LARGE2: variants seen among roughly 807,000 people sequenced by gnomAD.
LARGE2 encodes the protein xylosyl- and glucuronyltransferase LARGE2.
LARGE2 carries 63 observed loss-of-function variants against 75.3 expected under a neutral mutation model. The ratio of observed to expected loss-of-function variants is 0.84; its 90% CI spans 0.68 to 1.03. The LOEUF (loss-of-function observed/expected upper bound fraction) is 1.03, where lower values mean the gene tolerates loss of function less well. LARGE2 is among the 50% of genes least tolerant of loss of function. The pLI is 0.00. For missense variants in LARGE2, 925 were observed against 980.6 expected (o/e 0.94, Z 0.76); for synonymous variants, 428 against 420.1 (o/e 1.02, Z -0.23).
At chr11:45,927,219 G>A in intron 10 of LARGE2, 96 bp from the exon 11 acceptor site, 9 of 1,365,908 alleles carry the variant, frequency 6.6e-6, no homozygotes, top group Non-Finnish European at 9.0e-6. Context: ...GTCACTTGAG[G>A]AGGTGGCAGC....
rs2086958673 is a variant in LARGE2 at position 45,922,659 on chromosome 11, T to C, written c.-132T>C. Reference sequence around the variant, plus strand: ...GTCGGGGGCGGGACCGGCCCGCGCCTCTCCCCTGGTTCCCGCACCCTGGCC... The same window carrying C: ...GTCGGGGGCGGGACCGGCCCGCGCCCCTCCCCTGGTTCCCGCACCCTGGCC... On this transcript the variant is annotated 5_prime_UTR_variant, in exon 1 of 14. Coordinates refer to ENST00000401752, the MANE Select transcript of LARGE2 (RefSeq NM_001300721.2). The C allele has an allele frequency of 2.9e-6, 1 of 344,804 alleles. No individual in the cohort carries two copies. Among genetic ancestry groups the C allele is most frequent in the Admixed American group, 4.8e-5 (1 of 20,686 alleles). 21.4% of individuals were successfully genotyped at this position (344,804 alleles called of 1,614,324 possible). A position where few individuals can be genotyped will look rare whatever the true frequency, so the allele number is the denominator to read the frequency against.
Position 45,922,916 on chromosome 11 carries a change from G to A in LARGE2, c.34G>A (p.Ala12Thr). Residue 12 changes from alanine (A) to threonine (T), a missense_variant, in exon 2 of 14, where the codon GCC becomes ACC. Coordinates refer to ENST00000401752, the MANE Select transcript of LARGE2 (RefSeq NM_001300721.2). ...CCGAGGGCGCCCCCGGGCGCTGGGGGCCGCCGCGCTGTTGCTGCTGCTGCT... is the reference window on the plus strand; with the variant it reads ...CCGAGGGCGCCCCCGGGCGCTGGGGACCGCCGCGCTGTTGCTGCTGCTGCT... Reference protein sequence around the residue: ...LPRGRPRALGAAALLLLLLLL... With the variant: ...LPRGRPRALGTAALLLLLLLL... 7.8e-7 allele frequency: 1 copy of A among 1,279,220 alleles called. No individual in the cohort carries two copies. Among genetic ancestry groups the A allele is most frequent in the African/African-American group, 1.5e-5 (1 of 64,570 alleles). 79.2% of individuals were successfully genotyped at this position (1,279,220 alleles called of 1,614,324 possible).
At position 45,928,170 on chromosome 11, in the gene LARGE2, TG is replaced by T. The variant is rs755620452; in HGVS notation, c.1755-6del. 1.9e-6 allele frequency: 3 copies of T among 1,613,490 alleles called. No individual in the cohort carries two copies. The Admixed American group carries it at 5.0e-5, about 27-fold the overall frequency. ...CAGCCTGGCTCCCACCCGACCCTGCTGCACAGGTACCACGAGTGGCCCCGAG... is the reference window on the plus strand; with the variant it reads ...CAGCCTGGCTCCCACCCGACCCTGCTCACAGGTACCACGAGTGGCCCCGAG... On this transcript the variant is annotated splice_region_variant and splice_polypyrimidine_tract_variant and intron_variant, in intron 12 of 13. Coordinates refer to ENST00000401752, the MANE Select transcript of LARGE2 (RefSeq NM_001300721.2).
chr11:45,925,867 AAAAAC>A (rs570196512), intron 6 of LARGE2, among the ~76,000 whole-genome samples, 167 bp from the exon 7 acceptor site: 9 of 152,092 alleles, frequency 5.9e-5, no homozygotes, highest in East Asian at 3.9e-4. Flanking sequence ...CCTGTCTCTA[AAAAAC>A]AAAACAAAAC....
At chr11:45,928,513 C>G in intron 13 of LARGE2, 117 bp from the exon 14 acceptor site, 1 of 1,531,332 alleles carries the variant, frequency 6.5e-7, no homozygotes, top group South Asian at 1.3e-5. Flanking sequence ...AATAATCTGC[C>G]CTTTGGCCCT....
chr11:45,924,378 C>A, intron 4 of LARGE2, 101 bp downstream of exon 4: 2 of 1,571,664 alleles, frequency 1.3e-6, no homozygotes, highest in Non-Finnish European at 1.7e-6. Flanking sequence ...GTCCCCCCTC[C>A]ACCTACTGAA....
Position 45,928,980 on chromosome 11 carries a change from C to T in LARGE2, c.*135C>T. Reference sequence around the variant, plus strand: ...CAGAGCATCTGTGGGGTGGGGTCTTCCCCTTGCTGCTATTGTATGGCTGGG... The same window carrying T: ...CAGAGCATCTGTGGGGTGGGGTCTTTCCCTTGCTGCTATTGTATGGCTGGG... On this transcript the variant is annotated 3_prime_UTR_variant, in exon 14 of 14. Transcript: ENST00000401752. 3 of 1,189,336 alleles carry T rather than the reference C, an allele frequency of 2.5e-6. No homozygotes were observed. Among genetic ancestry groups the T allele is most frequent in the Non-Finnish European group, 3.5e-6 (3 of 853,506 alleles). 73.7% of individuals were successfully genotyped at this position (1,189,336 alleles called of 1,614,324 possible).
Sources: gnomAD v4.1 joint callset for allele counts (sites outside exome capture counted in the v4.1 genomes callset) on GRCh38, gnomAD v4.1.1 for gene constraint, MANE v1.5 for transcripts, NCBI Gene and HGNC (gene_info 2026-07-23, HGNC 2026-07-21) for gene names.